Variants in RAP1A observed in about 807,000 individuals in gnomAD.
RAP1A encodes ras-related protein Rap-1A.
RAP1A carries 6 observed loss-of-function variants against 26.4 expected under a neutral mutation model. The observed-to-expected ratio is 0.23, with a 90% CI of 0.12 to 0.45. The LOEUF (loss-of-function observed/expected upper bound fraction) is 0.45. RAP1A is among the 20% of genes least tolerant of loss of function. RAP1A has a pLI of 0.99. For missense variants in RAP1A, 121 were observed against 217.2 expected, an observed-to-expected ratio of 0.56 and a Z score of 2.78; for synonymous variants, 73 against 79.4, an observed-to-expected ratio of 0.92 and a Z score of 0.43.
chr1:111,682,081 A>G (rs1661314383), intron 1 of RAP1A, among the ~76,000 whole-genome samples: 1 of 152,202 alleles, frequency 6.6e-6, no homozygotes, highest in African/African-American at 2.4e-5. Flanking sequence ...AGAATTTCAT[A>G]TCCAGCCAAA....
In RAP1A at chr1:111,619,805, C is replaced by G. The variant is rs986956128; in HGVS notation, c.-157C>G. The G allele has an allele frequency of 7.5e-6, 3 of 398,816 alleles. No homozygotes were observed. The highest frequency in any genetic ancestry group is 1.3e-5 in the Non-Finnish European group (3 of 226,708). 24.7% of individuals were successfully genotyped at this position (398,816 alleles called of 1,614,324 possible). A position where few individuals can be genotyped will look rare whatever the true frequency, so the allele number is the denominator to read the frequency against. ...GGAGGCGCCGCCGCCGCTCCCGAGG[C>G]CCCTGCCGCCGCCGCTCCCGCTGCT... is the stretch of plus-strand genomic sequence containing the variant. On this transcript the variant is annotated 5_prime_UTR_variant, in exon 1 of 8. Transcript: ENST00000369709.
intron 1 of RAP1A, among the ~76,000 whole-genome samples, chr1:111,638,535 C>T (rs1351838982): frequency 4.6e-5 from 7 of 152,148 alleles, no homozygotes; most frequent in East Asian, 1.9e-4. Context: ...GGTGATTCCC[C>T]CACCTTAGCC....
intron 1 of RAP1A, among the ~76,000 whole-genome samples, chr1:111,688,026 C>CAAAAAAAA (rs58107878): frequency 1.9e-5 from 1 of 51,708 alleles, no homozygotes; most frequent in Non-Finnish European, 3.1e-5. Flanking sequence ...GACCCTGTCT[C>CAAAAAAAA]AAAAAAAAAA....
At position 111,712,849 on chromosome 1, in the gene RAP1A, G is replaced by GC. The variant is rs1485397866; in HGVS notation, c.*449dup. On this transcript the variant is annotated 3_prime_UTR_variant, in exon 8 of 8. Coordinates refer to ENST00000369709, the MANE Select transcript of RAP1A (RefSeq NM_002884.4). ...TATGAAATGTCCCCTCAAACTCATT[G>GC]CAGCAGATAACTTTTTTGAGTCATT... 6 of 152,456 alleles carry GC rather than the reference G, an allele frequency of 3.9e-5. No homozygotes were observed. Among genetic ancestry groups the GC allele is most frequent in the African/African-American group, 1.4e-4 (6 of 41,530 alleles). The allele number at this position is 152,456 out of a possible 1,614,324, so 9.4% of individuals were successfully genotyped here.
intron 1 of RAP1A, among the ~76,000 whole-genome samples, chr1:111,666,362 ACACT>A (rs1244719536): frequency 6.6e-6 from 1 of 152,202 alleles, no homozygotes; most frequent in Non-Finnish European, 1.5e-5. Context: ...CTATGTGGTA[ACACT>A]CAGCCATGCA....
chr1:111,553,804 C>G (rs777263367), intron 1 of RAP1A, among the ~76,000 whole-genome samples: 9 of 152,190 alleles, frequency 5.9e-5, no homozygotes, highest in Non-Finnish European at 1.2e-4. Flanking sequence ...TTAGTCAACT[C>G]AAATCCATCT....
intron 4 of RAP1A, among the ~76,000 whole-genome samples, chr1:111,698,835 T>G (rs1661921714): frequency 6.6e-6 from 1 of 152,146 alleles, no homozygotes; most frequent in African/African-American, 2.4e-5. Flanking sequence ...TGAATCAAGC[T>G]ATCTCTCCCT....
At chr1:111,651,054 G>A (rs1042835191) in intron 1 of RAP1A, among the ~76,000 whole-genome samples, 10 of 152,044 alleles carry the variant, frequency 6.6e-5, no homozygotes, top group South Asian at 2.1e-4. Flanking sequence ...CGCCCGCCTC[G>A]GCCTCCCAAA....
At chr1:111,638,315 G>A (rs1285492899) in intron 1 of RAP1A, among the ~76,000 whole-genome samples, 2 of 151,980 alleles carry the variant, frequency 1.3e-5, no homozygotes, top group African/African-American at 2.4e-5. Flanking sequence ...TTGTTTTTGC[G>A]TATGTCTTTG....
At chr1:111,672,683 C>G (rs1161362119) in intron 1 of RAP1A, among the ~76,000 whole-genome samples, 2 of 152,144 alleles carry the variant, frequency 1.3e-5, no homozygotes, top group South Asian at 2.1e-4. Flanking sequence ...TCTAACCTAG[C>G]TTAAGAATTC....
intron 7 of RAP1A, among the ~76,000 whole-genome samples, chr1:111,711,244 A>G (rs1662376725): frequency 1.3e-5 from 2 of 152,022 alleles, no homozygotes; most frequent in South Asian, 4.1e-4. Flanking sequence ...TGAAGACTCC[A>G]GTTCCAGTTC....
chr1:111,677,013 C>T (rs191192354), intron 1 of RAP1A, among the ~76,000 whole-genome samples: 11 of 152,270 alleles, frequency 7.2e-5, no homozygotes, highest in African/African-American at 1.9e-4. Flanking sequence ...AGGCCGGTCT[C>T]GAACTCCTGA....
chr1:111,661,980 C>T (rs1368955925), intron 1 of RAP1A, among the ~76,000 whole-genome samples: 1 of 152,004 alleles, frequency 6.6e-6, no homozygotes, highest in African/African-American at 2.4e-5. Flanking sequence ...TCAAAGATTC[C>T]TTATTAAACC....
At chr1:111,649,214 C>G in intron 1 of RAP1A, 1 of 495,698 alleles carries the variant, frequency 2.0e-6, no homozygotes. Context: ...AGTCCCTGAG[C>G]TGGGGTCCCT....
chr1:111,632,702 C>T (rs1659603926), intron 1 of RAP1A, among the ~76,000 whole-genome samples: 2 of 151,502 alleles, frequency 1.3e-5, no homozygotes, highest in Non-Finnish European at 2.9e-5. Context: ...CACCTGAGGT[C>T]GGGAGTTTGA....
chr1:111,617,654 T>C (rs1314023410), upstream of RAP1A, among the ~76,000 whole-genome samples: 1 of 151,504 alleles, frequency 6.6e-6, no homozygotes, highest in Non-Finnish European at 1.5e-5. Flanking sequence ...CAGGATGGTC[T>C]CGATCTCCTG....
At chr1:111,649,378 G>T (rs1403841367) in intron 1 of RAP1A, 1 of 379,002 alleles carries the variant, frequency 2.6e-6, no homozygotes, top group Non-Finnish European at 5.1e-6. Flanking sequence ...GGCCATCCCT[G>T]CAGCCAGACC....
chr1:111,683,926 A>G (rs1311784955), intron 1 of RAP1A, among the ~76,000 whole-genome samples: 1 of 152,210 alleles, frequency 6.6e-6, no homozygotes, highest in Non-Finnish European at 1.5e-5. Context: ...AATACTGGCA[A>G]ACTGAATCCA....
chr1:111,700,010 T>C (rs1661968314), intron 4 of RAP1A, among the ~76,000 whole-genome samples: 1 of 152,216 alleles, frequency 6.6e-6, no homozygotes, highest in South Asian at 2.1e-4. Flanking sequence ...GAAACAATAC[T>C]TGCCTGATTT....
Sources: gnomAD v4.1 joint callset for allele counts (sites outside exome capture counted in the v4.1 genomes callset) on GRCh38, gnomAD v4.1.1 for gene constraint, MANE v1.5 for transcripts, NCBI Gene and HGNC (gene_info 2026-07-23, HGNC 2026-07-21) for gene names.